Variants in LRRC8D observed in about 807,000 individuals in gnomAD.
The protein encoded by LRRC8D is volume-regulated anion channel subunit LRRC8D.
Under a neutral mutation model 55.8 loss-of-function variants are expected in LRRC8D, and 20 were observed. That is an observed-to-expected ratio of 0.36 (90% CI 0.25 to 0.52). LRRC8D has a LOEUF of 0.52. Among genes scored for constraint, LRRC8D ranks in the 20% least tolerant of loss-of-function variants. LRRC8D has a pLI of 0.93. For missense variants in LRRC8D, 651 were observed against 1,030.8 expected (o/e 0.63, Z 5.05); for synonymous variants, 352 against 377.0 (o/e 0.93, Z 0.77).
chr1:89,892,623 A>G (rs547949638), intron 2 of LRRC8D, among the ~76,000 whole-genome samples: 185 of 151,720 alleles, frequency 1.2e-3, no homozygotes, highest in Non-Finnish European at 2.0e-3. Context: ...GGTTCACGCC[A>G]TTTTCCTGCC....
intron 1 of LRRC8D, chr1:89,822,003 G>C (rs1273000720): frequency 6.6e-6 from 1 of 152,464 alleles, no homozygotes; most frequent in Admixed American, 6.5e-5. Context: ...GCTTGAAAAG[G>C]AGGAGAATTG....
chr1:89,829,249 GTTA>G (rs1660832568), intron 1 of LRRC8D, among the ~76,000 whole-genome samples: 1 of 152,172 alleles, frequency 6.6e-6, no homozygotes, highest in Non-Finnish European at 1.5e-5. Context: ...AACACCTAAA[GTTA>G]TTAATAATAA....
chr1:89,851,762 G>A (rs996671118), intron 2 of LRRC8D, among the ~76,000 whole-genome samples: 5 of 151,928 alleles, frequency 3.3e-5, no homozygotes, highest in Non-Finnish European at 5.9e-5. Flanking sequence ...CACCTGCCTC[G>A]GCCTCCCAAA....
chr1:89,895,407 C>A (rs1662681619), intron 2 of LRRC8D, among the ~76,000 whole-genome samples: 1 of 152,136 alleles, frequency 6.6e-6, no homozygotes, highest in South Asian at 2.1e-4. Flanking sequence ...AATTTTATCT[C>A]AAATATCTGC....
At chr1:89,919,902 T>C (rs1217300316) in intron 2 of LRRC8D, among the ~76,000 whole-genome samples, 6 of 152,182 alleles carry the variant, frequency 3.9e-5, no homozygotes, top group Non-Finnish European at 5.9e-5. Context: ...GAGGGTACAC[T>C]AAGTGGGGTC....
chr1:89,925,121 TTAC>T lies in LRRC8D; in HGVS notation c.-2-7944_-2-7942del, dbSNP rs1663524931. On this transcript the variant is annotated intron_variant, in intron 2 of 2. Transcript: ENST00000337338. ...TTACAGCCACTCCCCATTGTTGACA[TTAC>T]TGCCTTAGCTCTGCCTCTTGTCAGA... Among the ~76,000 whole-genome samples the T allele has an allele frequency of 2.0e-5, 3 of 152,294 alleles. No individual in the cohort carries two copies. In the South Asian group the frequency reaches 6.2e-4, roughly 32 times the overall value.
chr1:89,831,575 A>G (rs1428879209), intron 1 of LRRC8D, among the ~76,000 whole-genome samples: 1 of 152,156 alleles, frequency 6.6e-6, no homozygotes, highest in Non-Finnish European at 1.5e-5. Context: ...GATTTGGGGT[A>G]AATGGGGAAG....
intron 2 of LRRC8D, among the ~76,000 whole-genome samples, chr1:89,887,171 C>T (rs1312558229): frequency 6.6e-6 from 1 of 152,116 alleles, no homozygotes; most frequent in Non-Finnish European, 1.5e-5. Context: ...TCACAAAGAG[C>T]CGATTTATCT....
chr1:89,854,114 A>C (rs780786565), intron 2 of LRRC8D, among the ~76,000 whole-genome samples: 5 of 152,174 alleles, frequency 3.3e-5, no homozygotes, highest in Non-Finnish European at 7.3e-5. Flanking sequence ...TTGGGACAGG[A>C]GAAGACGAGG....
chr1:89,848,857 G>A (rs776211741), intron 2 of LRRC8D, among the ~76,000 whole-genome samples: 2 of 151,844 alleles, frequency 1.3e-5, no homozygotes, highest in African/African-American at 2.4e-5. Context: ...CCACCACCAC[G>A]CTGGCTAATT....
Position 89,869,760 on chromosome 1 carries a change from C to T in LRRC8D, c.-3+25978C>T, listed in dbSNP as rs369323460. ...AGCCCATCAGACTCAGCAGATCTCT[C>T]GGCAGAAACCCTACAAGCCAGAAGA... is the stretch of plus-strand genomic sequence containing the variant. On this transcript the variant is annotated intron_variant, in intron 2 of 2. Transcript: ENST00000337338. Among the ~76,000 whole-genome samples, 11 of 152,292 alleles carry T rather than the reference C, an allele frequency of 7.2e-5. No individual in the cohort carries two copies. The East Asian group carries it at 1.2e-3, about 16-fold the overall frequency.
At chr1:89,853,080 A>G (rs1285986859) in intron 2 of LRRC8D, among the ~76,000 whole-genome samples, 1 of 152,226 alleles carries the variant, frequency 6.6e-6, no homozygotes, top group East Asian at 1.9e-4. Flanking sequence ...GGCAGACATC[A>G]TGAGGACCCA....
intron 2 of LRRC8D, among the ~76,000 whole-genome samples, chr1:89,917,686 T>C (rs1663310032): frequency 6.6e-6 from 1 of 152,174 alleles, no homozygotes; most frequent in Non-Finnish European, 1.5e-5. Flanking sequence ...ATTATGCACT[T>C]TCATAGTACC....
At chr1:89,852,573 A>G (rs1464929640) in intron 2 of LRRC8D, among the ~76,000 whole-genome samples, 2 of 152,186 alleles carry the variant, frequency 1.3e-5, no homozygotes, top group African/African-American at 2.4e-5. Flanking sequence ...CTCATAAACC[A>G]CTAACTGGAA....
At chr1:89,828,339 G>A (rs1660810526) in intron 1 of LRRC8D, among the ~76,000 whole-genome samples, 1 of 152,226 alleles carries the variant, frequency 6.6e-6, no homozygotes, top group Non-Finnish European at 1.5e-5. Context: ...CATTTCCAGA[G>A]TGGGTCCCTG....
intron 2 of LRRC8D, among the ~76,000 whole-genome samples, chr1:89,849,466 A>G (rs77905871): frequency 0.03 from 4,519 of 149,752 alleles, 209 homozygotes; most frequent in African/African-American, 0.1. Context: ...CCAACTTTAT[A>G]TCTCCACCAA....
intron 2 of LRRC8D, among the ~76,000 whole-genome samples, chr1:89,847,715 C>T (rs1248144261): frequency 6.6e-6 from 1 of 152,154 alleles, no homozygotes; most frequent in Non-Finnish European, 1.5e-5. Flanking sequence ...TGGCTCCTGA[C>T]ACCAAAATCA....
chr1:89,877,245 T>C (rs558125519), intron 2 of LRRC8D, among the ~76,000 whole-genome samples: 1 of 150,430 alleles, frequency 6.6e-6, no homozygotes, highest in Non-Finnish European at 1.5e-5. Context: ...TTTTTTTTTT[T>C]AAATTTGTGT....
At chr1:89,879,434 G>A (rs921822190) in intron 2 of LRRC8D, among the ~76,000 whole-genome samples, 1 of 152,210 alleles carries the variant, frequency 6.6e-6, no homozygotes, top group African/African-American at 2.4e-5. Context: ...GCTACTGAAA[G>A]ACCTTGGAAA....
Sources: allele counts gnomAD v4.1 joint callset (sites outside exome capture counted in the v4.1 genomes callset), GRCh38; gene constraint gnomAD v4.1.1; transcripts MANE v1.5; gene names NCBI Gene and HGNC (gene_info 2026-07-23, HGNC 2026-07-21).